The following NTM variants were observed in gnomAD, a reference collection of about 807,000 sequenced individuals.
NTM encodes the protein IgLON family member 2.
NTM carries 13 observed loss-of-function variants against 42.1 expected under a neutral mutation model. That is an observed-to-expected ratio of 0.31 (90% confidence interval 0.20 to 0.49). NTM has a LOEUF of 0.49. NTM is among the 20% of genes least tolerant of loss of function. NTM has a pLI of 0.99. For missense variants in NTM, 373 were observed against 452.8 expected (o/e 0.82, Z 1.60); for synonymous variants, 187 against 179.2 (o/e 1.04, Z -0.35).
At chr11:131,840,610 G>A (rs1204298392) in intron 1 of NTM, among the ~76,000 whole-genome samples, 1 of 152,094 alleles carries the variant, frequency 6.6e-6, no homozygotes. Flanking sequence ...TCTACAGAGG[G>A]GAGCAAAAAC....
intron 1 of NTM, among the ~76,000 whole-genome samples, chr11:131,833,455 C>A (rs894742330): frequency 6.6e-6 from 1 of 152,130 alleles, no homozygotes; most frequent in African/African-American, 2.4e-5. Context: ...AACTAAAGCA[C>A]AGAGAGGTTT....
chr11:132,026,522 T>C (rs760894764), intron 2 of NTM, among the ~76,000 whole-genome samples: 11 of 152,052 alleles, frequency 7.2e-5, no homozygotes, highest in Non-Finnish European at 1.2e-4. Context: ...ATCAGAGGTA[T>C]TTTTTTTCCT....
rs5027675 is a variant in NTM at position 132,070,803 on chromosome 11, G to A, written c.168-75479G>A. On this transcript the variant is annotated intron_variant, in intron 2 of 8. Coordinates refer to ENST00000683400, the MANE Select transcript of NTM (RefSeq NM_001352005.2). ...CCCAGGTTAACACGTCACACTGACCGTCACAGGTTAGTTAACACGTCACAC... is the reference window on the plus strand; with the variant it reads ...CCCAGGTTAACACGTCACACTGACCATCACAGGTTAGTTAACACGTCACAC... Among the ~76,000 whole-genome samples the A allele has an allele frequency of 1.9e-4, 23 of 118,004 alleles. 1 individual carries two copies. The highest frequency in any genetic ancestry group is 8.3e-4 in the East Asian group (3 of 3,602). 77.4% of individuals were successfully genotyped at this position (118,004 alleles called of 152,430 possible). A position where few individuals can be genotyped will look rare whatever the true frequency, so the allele number is the denominator to read the frequency against.
intron 1 of NTM, among the ~76,000 whole-genome samples, chr11:131,398,512 A>G (rs745564060): frequency 2.0e-5 from 3 of 152,140 alleles, no homozygotes; most frequent in Non-Finnish European, 2.9e-5. Context: ...ACAATTTTCC[A>G]TGTCGTTACA....
chr11:131,960,193 C>T (rs1400932890), intron 2 of NTM, among the ~76,000 whole-genome samples: 6 of 152,158 alleles, frequency 3.9e-5, no homozygotes, highest in South Asian at 2.1e-4. Context: ...AGTACAAGCT[C>T]GAGGGTGTTC....
At chr11:131,840,723 G>A (rs984757851) in intron 1 of NTM, among the ~76,000 whole-genome samples, 4 of 152,224 alleles carry the variant, frequency 2.6e-5, no homozygotes, top group Non-Finnish European at 5.9e-5. Context: ...AGAAGAGGAT[G>A]TGAAACTGAA....
chr11:131,676,289 G>A (rs1445836924), intron 1 of NTM, among the ~76,000 whole-genome samples: 2 of 152,198 alleles, frequency 1.3e-5, no homozygotes, highest in African/African-American at 4.8e-5. Flanking sequence ...GATGTTTTCT[G>A]TATAATTACA....
At chr11:131,496,273 G>T (rs1023667725) in intron 1 of NTM, among the ~76,000 whole-genome samples, 3 of 152,180 alleles carry the variant, frequency 2.0e-5, no homozygotes, top group Non-Finnish European at 2.9e-5. Context: ...CACCTCAAAG[G>T]ATGATGCATT....
At chr11:132,289,411 G>T (rs1304666717) in intron 4 of NTM, among the ~76,000 whole-genome samples, 1 of 152,190 alleles carries the variant, frequency 6.6e-6, no homozygotes, top group Non-Finnish European at 1.5e-5. Flanking sequence ...CACAAGTTCA[G>T]AGTGAACCTG....
intron 6 of NTM, among the ~76,000 whole-genome samples, chr11:132,311,500 G>C (rs2136106495): frequency 6.6e-6 from 1 of 152,266 alleles, no homozygotes; most frequent in African/African-American, 2.4e-5. Flanking sequence ...TTCCAAGAAA[G>C]AAGAATCAAG....
At chr11:132,142,126 G>C (rs745795194) in intron 2 of NTM, among the ~76,000 whole-genome samples, 1 of 152,190 alleles carries the variant, frequency 6.6e-6, no homozygotes, top group East Asian at 1.9e-4. Context: ...GGTTGTGGAC[G>C]AAAGGGGAGA....
intron 1 of NTM, among the ~76,000 whole-genome samples, chr11:131,544,456 C>A (rs1039119800): frequency 2.0e-5 from 3 of 152,094 alleles, no homozygotes; most frequent in African/African-American, 4.8e-5. Context: ...CAAATTATCC[C>A]TGTTGTGAAT....
intron 2 of NTM, among the ~76,000 whole-genome samples, chr11:131,926,592 G>T (rs575575125): frequency 6.6e-6 from 1 of 152,278 alleles, no homozygotes; most frequent in African/African-American, 2.4e-5. Context: ...GGGGTCCTCG[G>T]TGTCTGTAAG....
chr11:131,749,782 T>G (rs888488780), intron 1 of NTM, among the ~76,000 whole-genome samples: 6 of 152,136 alleles, frequency 3.9e-5, no homozygotes, highest in African/African-American at 1.4e-4. Flanking sequence ...CTATTTTTAG[T>G]AGAGACAGGG....
chr11:131,417,637 C>T (rs1195157046), intron 1 of NTM, among the ~76,000 whole-genome samples: 3 of 152,134 alleles, frequency 2.0e-5, no homozygotes, highest in Non-Finnish European at 4.4e-5. Flanking sequence ...ATGACACGTT[C>T]ATTATTTTAA....
chr11:131,839,044 T>C (rs1430651174), intron 1 of NTM, among the ~76,000 whole-genome samples: 1 of 150,772 alleles, frequency 6.6e-6, no homozygotes, highest in African/African-American at 2.4e-5. Context: ...CACTGCAACC[T>C]CTGCCTCCCG....
chr11:131,911,526 G>A (rs1227471744), intron 1 of NTM, 38 bp from the exon 2 acceptor site: 1 of 1,614,054 alleles, frequency 6.2e-7, no homozygotes, highest in African/African-American at 1.3e-5. Context: ...AGTGCCTCGT[G>A]GTCGTGTCTC....
intron 2 of NTM, among the ~76,000 whole-genome samples, chr11:132,111,008 G>A (rs1026205737): frequency 3.8e-5 from 5 of 132,916 alleles, no homozygotes; most frequent in East Asian, 2.5e-4. Flanking sequence ...GAGCTACAAT[G>A]AGCCATGATT....
chr11:131,787,433 G>T (rs148148445), intron 1 of NTM, among the ~76,000 whole-genome samples: 2,565 of 151,054 alleles, frequency 0.017, 69 homozygotes, highest in African/African-American at 0.058. Flanking sequence ...AGGCTGGAGT[G>T]CAGTGGCATG....
Sources: gnomAD v4.1 joint callset for allele counts (sites outside exome capture counted in the v4.1 genomes callset) on GRCh38, gnomAD v4.1.1 for gene constraint, MANE v1.5 for transcripts, NCBI Gene and HGNC (gene_info 2026-07-23, HGNC 2026-07-21) for gene names.